MCF2L: variants seen among roughly 807,000 people sequenced by gnomAD.
The protein encoded by MCF2L is guanine nucleotide exchange factor DBS.
MCF2L carries 97 observed loss-of-function variants against 153.4 expected under a neutral mutation model. That is an observed-to-expected ratio of 0.63 (90% CI 0.54 to 0.75). The LOEUF is 0.75. Ranked by LOEUF, MCF2L falls within the 30% of genes least tolerant of loss-of-function variation. The pLI is 0.00. For missense variants in MCF2L, 1,347 were observed against 1,495.2 expected, an observed-to-expected ratio of 0.90 and a Z score of 1.64; for synonymous variants, 659 against 632.2, an observed-to-expected ratio of 1.04 and a Z score of -0.64.
chr13:113,066,174 A>T lies in MCF2L; in HGVS notation c.881+4A>T. Reference sequence around the variant, plus strand: ...ACAACCAGGCCACCGTGCAGAGGTGAGGCCCGGCTGCCTTCCTGCCCTCAT... The same window carrying T: ...ACAACCAGGCCACCGTGCAGAGGTGTGGCCCGGCTGCCTTCCTGCCCTCAT... On this transcript the variant is annotated splice_donor_region_variant and intron_variant, in intron 8 of 29. Coordinates refer to ENST00000535094, the MANE Select transcript of MCF2L (RefSeq NM_001112732.3). 1 of 1,603,882 alleles carries T rather than the reference A, an allele frequency of 6.2e-7. No individual in the cohort carries two copies. Among genetic ancestry groups the T allele is most frequent in the Non-Finnish European group, 8.5e-7 (1 of 1,174,762 alleles).
At chr13:112,958,967 C>G (rs1287885503) in intron 2 of MCF2L, among the ~76,000 whole-genome samples, 1 of 152,178 alleles carries the variant, frequency 6.6e-6, no homozygotes, top group African/African-American at 2.4e-5. Context: ...CCGGAGAGCA[C>G]CGGGGTCCTG....
chr13:113,075,929 A>G (rs1346443539), intron 11 of MCF2L, 37 bp from the exon 12 acceptor site: 1 of 1,537,320 alleles, frequency 6.5e-7, no homozygotes, highest in African/African-American at 1.4e-5. Context: ...TCACCCTCTC[A>G]CGGCGTCCTG....
At chr13:112,956,114 C>T (rs1331461840) in intron 2 of MCF2L, 3 of 152,262 alleles carry the variant, frequency 2.0e-5, no homozygotes, top group Admixed American at 6.5e-5. Flanking sequence ...CCTCGAGAGC[C>T]GTGCTTGTAG....
intron 2 of MCF2L, among the ~76,000 whole-genome samples, chr13:112,954,548 T>C (rs1313388773): frequency 6.6e-6 from 1 of 152,206 alleles, no homozygotes; most frequent in Non-Finnish European, 1.5e-5. Context: ...AGGGTTTGCA[T>C]GGAATGACTG....
In MCF2L at chr13:113,066,092, G is replaced by T; in HGVS notation, c.803G>T (p.Ser268Ile). The part of the protein sequence containing the change: ...ALKEGHSVLE[S>I]LRELQAEGSE... ...AAAGAGGGGCACAGTGTCCTGGAGA[G>T]CCTCAGGGAGCTGCAGGCTGAGGGC... is the stretch of plus-strand genomic sequence containing the variant. Residue 268 changes from serine to isoleucine, a missense_variant, in exon 8 of 30, where the codon AGC becomes ATC. Transcript: ENST00000535094. 1.2e-6 allele frequency: 2 copies of T among 1,613,392 alleles called. No individual in the cohort carries two copies. Among genetic ancestry groups the T allele is most frequent in the Non-Finnish European group, 1.7e-6 (2 of 1,179,938 alleles).
intron 2 of MCF2L, among the ~76,000 whole-genome samples, chr13:112,920,411 A>T (rs2081340545): frequency 6.6e-6 from 1 of 152,042 alleles, no homozygotes; most frequent in Non-Finnish European, 1.5e-5. Flanking sequence ...GTGATCAGTT[A>T]TCTGATATTC....
intron 2 of MCF2L, among the ~76,000 whole-genome samples, chr13:112,923,829 G>A (rs1308332028): frequency 6.6e-6 from 1 of 152,136 alleles, no homozygotes; most frequent in African/African-American, 2.4e-5. Flanking sequence ...GCTGCATTCA[G>A]TTGTCCTGTG....
chr13:113,079,614 C>T (rs932411327), intron 15 of MCF2L, among the ~76,000 whole-genome samples: 4 of 152,178 alleles, frequency 2.6e-5, no homozygotes, highest in African/African-American at 9.7e-5. Context: ...TGGGAGACGG[C>T]GCAAAATTGG....
chr13:113,090,024 G>C, intron 26 of MCF2L: 1 of 1,597,802 alleles, frequency 6.3e-7, no homozygotes, highest in Non-Finnish European at 8.5e-7. Flanking sequence ...CCTCCGCATC[G>C]GGTTGCGATG....
intron 1 of MCF2L, among the ~76,000 whole-genome samples, chr13:112,894,909 C>T (rs111573526): frequency 1.3e-4 from 13 of 100,610 alleles, no homozygotes; most frequent in Non-Finnish European, 2.5e-4. Context: ...GCCTGGGGTC[C>T]GGCTGGGGTC....
intron 4 of MCF2L, among the ~76,000 whole-genome samples, chr13:113,051,551 G>A (rs981623694): frequency 5.9e-5 from 9 of 152,190 alleles, no homozygotes; most frequent in African/African-American, 2.2e-4. Flanking sequence ...TCTTCACTGT[G>A]TATTTCCTGG....
intron 2 of MCF2L, among the ~76,000 whole-genome samples, chr13:112,944,155 G>T (rs1341670636): frequency 6.8e-6 from 1 of 147,442 alleles, no homozygotes; most frequent in East Asian, 2.0e-4. Flanking sequence ...GTGAAGGGAG[G>T]GTCCTGGACT....
chr13:113,026,024 G>C (rs1390374963), intron 3 of MCF2L, among the ~76,000 whole-genome samples: 1 of 86,502 alleles, frequency 1.2e-5, no homozygotes, highest in Non-Finnish European at 2.4e-5. Flanking sequence ...TGGGGTCCCC[G>C]TGACTGTGGG....
intron 4 of MCF2L, among the ~76,000 whole-genome samples, chr13:113,048,171 C>T (rs1387603066): frequency 2.6e-5 from 4 of 152,238 alleles, no homozygotes; most frequent in Non-Finnish European, 4.4e-5. Context: ...TTCCGTTCAC[C>T]GAGTGTGTGA....
intron 4 of MCF2L, among the ~76,000 whole-genome samples, chr13:113,050,309 AGT>A (rs1465892732): frequency 2.1e-5 from 3 of 143,572 alleles, no homozygotes; most frequent in South Asian, 2.2e-4. Flanking sequence ...TGTGAGAGTG[AGT>A]GTGTGTGTGC....
intron 3 of MCF2L, among the ~76,000 whole-genome samples, chr13:113,030,626 C>T (rs1245301982): frequency 6.6e-5 from 10 of 152,124 alleles, no homozygotes; most frequent in Non-Finnish European, 1.5e-4. Context: ...TGTGGGCCCT[C>T]GGGTGTCTGC....
At chr13:113,025,248 T>C (rs1446212522) in intron 3 of MCF2L, among the ~76,000 whole-genome samples, 1 of 109,256 alleles carries the variant, frequency 9.2e-6, no homozygotes, top group African/African-American at 3.5e-5. Context: ...CCTGTGAGAT[T>C]TCCCCGTCAT....
intron 2 of MCF2L, among the ~76,000 whole-genome samples, chr13:112,921,702 A>AAC (rs2081354715): frequency 6.6e-6 from 1 of 152,244 alleles, no homozygotes; most frequent in South Asian, 2.1e-4. Flanking sequence ...ATAATACAGG[A>AAC]ACACTGTCCT....
chr13:112,979,526 C>A, intron 1 of MCF2L: 3 of 1,490,540 alleles, frequency 2.0e-6, no homozygotes, highest in Non-Finnish European at 2.7e-6. Flanking sequence ...CTCTTGTGAC[C>A]ATGCGGCACC....
Sources: allele counts gnomAD v4.1 joint callset (sites outside exome capture counted in the v4.1 genomes callset), GRCh38; gene constraint gnomAD v4.1.1; transcripts MANE v1.5; gene names NCBI Gene and HGNC (gene_info 2026-07-23, HGNC 2026-07-21).